AHNAK: variants seen among roughly 807,000 people sequenced by gnomAD.
AHNAK encodes the protein neuroblast differentiation-associated protein AHNAK.
In AHNAK, 23 loss-of-function variants were observed where a neutral mutation model predicts 37.8. The ratio of observed to expected loss-of-function variants is 0.61; its 90% confidence interval spans 0.44 to 0.86. The LOEUF is 0.86. AHNAK is among the 40% of genes least tolerant of loss of function. The pLI is 0.00. For missense variants in AHNAK, 7,411 were observed against 7,319.4 expected, an observed-to-expected ratio of 1.01 and a Z score of -0.46; for synonymous variants, 2,481 against 2,636.3, an observed-to-expected ratio of 0.94 and a Z score of 1.80.
At position 62,518,634 on chromosome 11, in the gene AHNAK, A is replaced by T. The variant is rs141584218; in HGVS notation, c.15783T>A (p.Ser5261=). The change falls in exon 5 of 5, where the codon TCT becomes TCA. Residue 5261 remains serine (S), a synonymous_variant. Transcript: ENST00000378024. Reference sequence around the variant, plus strand: ...CTGGTCCTCTCAAGTCTCCTTCAAGAGAGGGTAGCTGGGCATGGACCTCGG... The same window carrying T: ...CTGGTCCTCTCAAGTCTCCTTCAAGTGAGGGTAGCTGGGCATGGACCTCGG... ...GGAEVHAQLP[S]LEGDLRGPDV... is the part of the protein sequence containing the mutation. 2.5e-6 allele frequency: 4 copies of T among 1,613,986 alleles called. No individual in the cohort carries two copies. The Admixed American group carries it at 6.7e-5, about 27-fold the overall frequency.
chr11:62,454,281 C>T (rs1374970144), intron 5 of AHNAK, among the ~76,000 whole-genome samples: 2 of 150,730 alleles, frequency 1.3e-5, no homozygotes, highest in African/African-American at 2.4e-5. Flanking sequence ...GGCGTGGTGG[C>T]GGGCGCCTGT....
Position 62,533,093 on chromosome 11 carries a change from A to T in AHNAK, c.1324T>A (p.Ser442Thr). The T allele has an allele frequency of 6.3e-7, 1 of 1,595,056 alleles. No individual in the cohort carries two copies. Residue 442 changes from serine (S) to threonine (T), a missense_variant, in exon 5 of 5, where the codon TCA becomes ACA. Physicochemically the swap from Ser to Thr is moderately conservative, Grantham distance 58. Coordinates refer to ENST00000378024, the MANE Select transcript of AHNAK (RefSeq NM_001620.3). ...CCAGTTTCCTCTCCCTTTGCACCTGATACAGAGAACTTGGGGACTTTCATC... is the reference window on the plus strand; with the variant it reads ...CCAGTTTCCTCTCCCTTTGCACCTGTTACAGAGAACTTGGGGACTTTCATC... ...PKMKVPKFSVSGAKGEETGID... is the reference protein window; with the variant it reads ...PKMKVPKFSVTGAKGEETGID...
chr11:62,525,514 A>G lies in AHNAK; in HGVS notation c.8903T>C (p.Phe2968Ser), dbSNP rs1940445007. The change falls in exon 5 of 5, where the codon TTT becomes TCT. Residue 2968 changes from phenylalanine to serine, a missense_variant. Physicochemically the swap from Phe to Ser is radical, Grantham distance 155. Coordinates refer to ENST00000378024, the MANE Select transcript of AHNAK (RefSeq NM_001620.3). ...IKAPKIPMPD[F>S]DLHLKGPKVK... ...CTTGGGACCTTTCAGATGCAAATCA[A>G]AGTCAGGCATGGGGATCTTGGGGGC... is the stretch of plus-strand genomic sequence containing the variant. 1 of 1,613,536 alleles carries G rather than the reference A, an allele frequency of 6.2e-7. No homozygotes were observed.
intron 5 of AHNAK, among the ~76,000 whole-genome samples, chr11:62,459,413 C>T (rs1938739030): frequency 6.6e-6 from 1 of 152,104 alleles, no homozygotes; most frequent in Non-Finnish European, 1.5e-5. Flanking sequence ...TCCCTGGGGA[C>T]GAGGAAGTCA....
intron 5 of AHNAK, among the ~76,000 whole-genome samples, chr11:62,473,318 A>G (rs1360584999): frequency 6.8e-6 from 1 of 146,900 alleles, no homozygotes; most frequent in South Asian, 2.2e-4. Context: ...AATCGCTTGA[A>G]CTCAGAGGTT....
chr11:62,541,468 C>A (rs559809729), intron 1 of AHNAK, among the ~76,000 whole-genome samples: 1 of 152,274 alleles, frequency 6.6e-6, no homozygotes, highest in East Asian at 1.9e-4. Context: ...AGGGGAAGCC[C>A]CCAACATTCG....
chr11:62,519,945 A>G lies in AHNAK; in HGVS notation c.14472T>C (p.Asn4824=), dbSNP rs763241681. The change falls in exon 5 of 5, where the codon AAT becomes AAC. Residue 4824 remains asparagine, a synonymous_variant. Coordinates refer to ENST00000378024, the MANE Select transcript of AHNAK (RefSeq NM_001620.3). ...PKVDVDIPDV[N]IEGPDAKLKG... ...TCAGTTTTGCGTCTGGACCTTCGAT[A>G]TTCACATCTGGAATATCAACGTCCA... The G allele has an allele frequency of 6.8e-6, 11 of 1,612,782 alleles. No individual in the cohort carries two copies. The South Asian group carries it at 1.1e-4, about 16-fold the overall frequency.
chr11:62,529,337 C>T lies in AHNAK; in HGVS notation c.5080G>A (p.Val1694Met). The change falls in exon 5 of 5, where the codon GTG (valine) becomes ATG (methionine). Residue 1694 changes from valine (V) to methionine (M), a missense_variant. Physicochemically the swap from Val to Met is conservative, Grantham distance 21. Transcript: ENST00000378024. ...VPDVDIKGPK[V>M]DIDAPDVEVH... ...TCCACATCTGGGGCATCAATGTCCA[C>T]TTTGGGCCCTTTAATGTCAACATCT... 1.9e-6 allele frequency: 3 copies of T among 1,614,032 alleles called. No individual in the cohort carries two copies. The highest frequency in any genetic ancestry group is 2.5e-6 in the Non-Finnish European group (3 of 1,179,996).
intron 5 of AHNAK, among the ~76,000 whole-genome samples, chr11:62,444,635 C>T (rs1235517768): frequency 6.6e-6 from 1 of 152,234 alleles, no homozygotes; most frequent in Non-Finnish European, 1.5e-5. Flanking sequence ...CTTTCTCCTG[C>T]TAGATGCGGA....
chr11:62,531,847 G>C lies in AHNAK; in HGVS notation c.2570C>G (p.Ala857Gly), dbSNP rs1450691675. Residue 857 changes from alanine (A) to glycine (G), a missense_variant, in exon 5 of 5, where the codon GCC becomes GGC. Ala to Gly is a moderately conservative substitution (Grantham distance 60). Coordinates refer to ENST00000378024, the MANE Select transcript of AHNAK (RefSeq NM_001620.3). ...IKVPDVELKSAKMDIDVPDVE... is the reference protein window; with the variant it reads ...IKVPDVELKSGKMDIDVPDVE... Reference sequence around the variant, plus strand: ...ATCTGGGACATCAATGTCCATTTTGGCACTTTTAAGTTCAACATCAGGAAC... The same window carrying C: ...ATCTGGGACATCAATGTCCATTTTGCCACTTTTAAGTTCAACATCAGGAAC... 1 of 1,613,612 alleles carries C rather than the reference G, an allele frequency of 6.2e-7. No individual in the cohort carries two copies. The highest frequency in any genetic ancestry group is 2.2e-5 in the East Asian group (1 of 44,854).
intron 3 of AHNAK, among the ~76,000 whole-genome samples, chr11:62,535,673 T>C (rs984523582): frequency 1.9e-4 from 29 of 151,044 alleles, no homozygotes; most frequent in African/African-American, 6.8e-4. Context: ...GGCCAACTCA[T>C]TTGCCCAAAT....
chr11:62,473,893 G>A (rs1360016357), intron 5 of AHNAK, among the ~76,000 whole-genome samples: 5 of 151,422 alleles, frequency 3.3e-5, no homozygotes, highest in African/African-American at 4.9e-5. Context: ...TCAGCTACTC[G>A]GGAGGCTAAG....
intron 4 of AHNAK, chr11:62,491,860 C>T (rs778974467): frequency 1.9e-6 from 3 of 1,583,244 alleles, no homozygotes; most frequent in South Asian, 2.3e-5. Flanking sequence ...ATCACCAGGT[C>T]ACTCATCAAA....
At chr11:62,539,847 C>G (rs1941069877) in intron 1 of AHNAK, among the ~76,000 whole-genome samples, 1 of 152,328 alleles carries the variant, frequency 6.6e-6, no homozygotes, top group Admixed American at 6.5e-5. Flanking sequence ...CTGGCACAGC[C>G]TGGAAGGACT....
In AHNAK at chr11:62,519,828, T is replaced by C; in HGVS notation, c.14589A>G (p.Val4863=). ...GGACAGACACATCAAAATCTCCTTTTACTTTGGGTCCTTTCAAATCCAGGT... is the reference window on the plus strand; with the variant it reads ...GGACAGACACATCAAAATCTCCTTTCACTTTGGGTCCTTTCAAATCCAGGT... ...DVDLDLKGPK[V]KGDFDVSVPK... Residue 4863 remains valine, a synonymous_variant, in exon 5 of 5, where the codon GTA becomes GTG. Coordinates refer to ENST00000378024, the MANE Select transcript of AHNAK (RefSeq NM_001620.3). The C allele has an allele frequency of 6.2e-7, 1 of 1,614,208 alleles. No homozygotes were observed. The highest frequency in any genetic ancestry group is 8.5e-7 in the Non-Finnish European group (1 of 1,180,024).
intron 4 of AHNAK, among the ~76,000 whole-genome samples, chr11:62,501,411 C>CA (rs1939709493): frequency 1.3e-5 from 2 of 152,006 alleles, no homozygotes; most frequent in African/African-American, 2.4e-5. Context: ...TACTAAAATA[C>CA]AAAAAATTAG....
intron 5 of AHNAK, among the ~76,000 whole-genome samples, chr11:62,447,946 G>A (rs1034984118): frequency 2.0e-5 from 3 of 152,072 alleles, no homozygotes; most frequent in Admixed American, 6.6e-5. Flanking sequence ...GAAATGACTG[G>A]CTAAAGAGGA....
In AHNAK at chr11:62,532,485, T is replaced by C; in HGVS notation, c.1932A>G (p.Glu644=). 1 of 1,613,616 alleles carries C rather than the reference T, an allele frequency of 6.2e-7. No individual in the cohort carries two copies. The change falls in exon 5 of 5, where the codon GAA becomes GAG. Residue 644 remains glutamate (E), a synonymous_variant. Transcript: ENST00000378024. ...PTFSTPGAKG[E]GPDVHMTLPK... ...GTAGAGTCATATGAACATCTGGACC[T>C]TCCCCTTTGGCTCCTGGAGTGCTGA... is the stretch of plus-strand genomic sequence containing the variant.
At chr11:62,455,020 C>T (rs1385150158) in intron 5 of AHNAK, among the ~76,000 whole-genome samples, 1 of 151,696 alleles carries the variant, frequency 6.6e-6, no homozygotes, top group Non-Finnish European at 1.5e-5. Flanking sequence ...GCAACCTCCG[C>T]CCCGTGGGTT....
Sources: allele counts gnomAD v4.1 joint callset (sites outside exome capture counted in the v4.1 genomes callset), GRCh38; gene constraint gnomAD v4.1.1; transcripts MANE v1.5; gene names NCBI Gene and HGNC (gene_info 2026-07-23, HGNC 2026-07-21).